The following DAGLA variants were observed in gnomAD, a reference collection of about 807,000 sequenced individuals.
DAGLA encodes diacylglycerol lipase alpha.
In DAGLA, 22 loss-of-function variants were observed where a neutral mutation model predicts 102.6. The ratio of observed to expected loss-of-function variants is 0.21; its 90% CI spans 0.15 to 0.31. The LOEUF (loss-of-function observed/expected upper bound fraction) is 0.31. Among genes scored for constraint, DAGLA ranks in the 10% least tolerant of loss-of-function variants. DAGLA has a pLI of 1.00. For synonymous variants in DAGLA, 578 were observed against 628.9 expected, an observed-to-expected ratio of 0.92 and a Z score of 1.21; for missense variants, 927 against 1,446.6, an observed-to-expected ratio of 0.64 and a Z score of 5.83.
At position 61,744,062 on chromosome 11, in the gene DAGLA, G is replaced by A. The variant is rs141365830; in HGVS notation, c.2702G>A (p.Arg901His). The change falls in exon 20 of 20, where the codon CGC becomes CAC. Residue 901 changes from arginine (R) to histidine (H), a missense_variant. Arg to His is a conservative substitution (Grantham distance 29). Transcript: ENST00000257215. The part of the protein sequence containing the change: ...SRGELALHNG[R>H]LGDSPSPQVL... ...GGGGAGCTGGCGCTGCACAATGGGC[G>A]CCTGGGGGACTCGCCCAGTCCTCAG... The A allele has an allele frequency of 1.8e-4, 295 of 1,612,698 alleles. No individual in the cohort carries two copies. Among genetic ancestry groups the A allele is most frequent in the Non-Finnish European group, 2.4e-4 (279 of 1,179,968 alleles).
chr11:61,687,622 C>T (rs2064996082), intron 1 of DAGLA, among the ~76,000 whole-genome samples: 1 of 152,156 alleles, frequency 6.6e-6, no homozygotes, highest in Non-Finnish European at 1.5e-5. Context: ...CATGAGCCAC[C>T]GCGCCTGGCC....
intron 12 of DAGLA, 95 bp downstream of exon 12, chr11:61,735,911 T>G: frequency 8.5e-7 from 1 of 1,170,742 alleles, no homozygotes. Context: ...CCCTGCTCGC[T>G]GGGCTCACTG....
intron 18 of DAGLA, among the ~76,000 whole-genome samples, 171 bp downstream of exon 18, chr11:61,740,763 C>T (rs1438382027): frequency 6.6e-6 from 1 of 152,222 alleles, no homozygotes; most frequent in Admixed American, 6.5e-5. Context: ...CCTCACACCC[C>T]TGGCTCTGTC....
intron 1 of DAGLA, among the ~76,000 whole-genome samples, chr11:61,691,867 A>G (rs1306489158): frequency 2.0e-5 from 3 of 152,214 alleles, no homozygotes; most frequent in Non-Finnish European, 4.4e-5. Context: ...TTCCACCTGT[A>G]AAATCAGGGA....
intron 13 of DAGLA, 132 bp from the exon 14 acceptor site, chr11:61,737,050 A>G (rs932841160): frequency 8.0e-7 from 1 of 1,244,622 alleles, no homozygotes; most frequent in Non-Finnish European, 1.1e-6. Context: ...TCTGTGCCCT[A>G]GCATTCACAC....
chr11:61,743,362 CAAAAAAAAA>C (rs374336921), intron 19 of DAGLA, among the ~76,000 whole-genome samples, 161 bp from the exon 20 acceptor site: 1 of 51,964 alleles, frequency 1.9e-5, no homozygotes, highest in South Asian at 5.7e-4. Flanking sequence ...GACTCTGTCT[CAAAAAAAAA>C]AAAAAAAAAA....
intron 9 of DAGLA, among the ~76,000 whole-genome samples, chr11:61,733,299 G>A (rs1591049611): frequency 6.6e-6 from 1 of 152,176 alleles, no homozygotes; most frequent in Non-Finnish European, 1.5e-5. Context: ...AACAGCTGCC[G>A]AGCACAGGAG....
intron 1 of DAGLA, among the ~76,000 whole-genome samples, chr11:61,709,389 A>G (rs1430814452): frequency 1.3e-5 from 2 of 152,114 alleles, no homozygotes; most frequent in Non-Finnish European, 2.9e-5. Flanking sequence ...GATTACAGGC[A>G]TGCACCACCA....
At position 61,744,142 on chromosome 11, in the gene DAGLA, A is replaced by C. The variant is rs1483297971; in HGVS notation, c.2782A>C (p.Ser928Arg). ...DSLFNLDSKS[S>R]SFQDLYCMVV... ...CCTCTTCAACCTGGACAGCAAGAGCAGCTCCTTCCAAGACCTCTACTGCAT... is the reference window on the plus strand; with the variant it reads ...CCTCTTCAACCTGGACAGCAAGAGCCGCTCCTTCCAAGACCTCTACTGCAT... The change falls in exon 20 of 20, where the codon AGC becomes CGC. Residue 928 changes from serine to arginine, a missense_variant. Physicochemically the swap from Ser to Arg is moderately radical, Grantham distance 110 (BLOSUM62 -1). Around this residue, in one of 4 missense-constraint regions of DAGLA, gnomAD observed 434 missense variants for 503.3 expected, o/e 0.86. Coordinates refer to ENST00000257215, the MANE Select transcript of DAGLA (RefSeq NM_006133.3). The C allele has an allele frequency of 3.1e-6, 5 of 1,612,910 alleles. No homozygotes were observed. Among genetic ancestry groups the C allele is most frequent in the Non-Finnish European group, 4.2e-6 (5 of 1,179,972 alleles).
At chr11:61,725,693 C>T (rs559437125) in intron 5 of DAGLA, among the ~76,000 whole-genome samples, 1 of 152,272 alleles carries the variant, frequency 6.6e-6, no homozygotes, top group South Asian at 2.1e-4. Flanking sequence ...GTTCAGTCTT[C>T]CAAAAGCCAA....
intron 1 of DAGLA, among the ~76,000 whole-genome samples, chr11:61,685,291 A>T (rs1313168599): frequency 6.6e-6 from 1 of 152,148 alleles, no homozygotes; most frequent in Non-Finnish European, 1.5e-5. Context: ...TGATGAAAAC[A>T]CGCACTGAAA....
intron 17 of DAGLA, 146 bp downstream of exon 17, chr11:61,739,807 CCCCAG>C: frequency 1.2e-6 from 1 of 807,538 alleles, no homozygotes; most frequent in East Asian, 2.7e-5. Context: ...GGAGGGGTTT[CCCCAG>C]CATCGGGCTC....
intron 1 of DAGLA, among the ~76,000 whole-genome samples, chr11:61,696,076 C>T (rs911809787): frequency 6.6e-6 from 1 of 152,222 alleles, no homozygotes; most frequent in African/African-American, 2.4e-5. Context: ...CTGTCCCCAC[C>T]ACCAGGCTTG....
chr11:61,722,599 G>A (rs1591042609), intron 3 of DAGLA, among the ~76,000 whole-genome samples: 1 of 152,106 alleles, frequency 6.6e-6, no homozygotes, highest in Non-Finnish European at 1.5e-5. Context: ...ATGCCCCGGG[G>A]ACTTGAGAGC....
At chr11:61,690,428 C>G (rs889332812) in intron 1 of DAGLA, among the ~76,000 whole-genome samples, 1 of 152,198 alleles carries the variant, frequency 6.6e-6, no homozygotes, top group Non-Finnish European at 1.5e-5. Context: ...GACACTACCA[C>G]TCTACCAGCA....
At chr11:61,694,781 C>A (rs920089684) in intron 1 of DAGLA, among the ~76,000 whole-genome samples, 1 of 152,066 alleles carries the variant, frequency 6.6e-6, no homozygotes, top group African/African-American at 2.4e-5. Context: ...GGGATTCATG[C>A]GGTCACATGT....
chr11:61,731,463 C>G (rs1182719909), intron 9 of DAGLA, 22 bp downstream of exon 9: 2 of 1,611,488 alleles, frequency 1.2e-6, no homozygotes, highest in Non-Finnish European at 1.7e-6. Context: ...TGTCCCATCC[C>G]CCAGCGATTG....
rs367930952 is a variant in DAGLA, at chr11:61,720,267, G to A, written c.95+17G>A. 5 of 1,608,406 alleles carry A rather than the reference G, an allele frequency of 3.1e-6. No homozygotes were observed. Among genetic ancestry groups the A allele is most frequent in the Non-Finnish European group, 4.3e-6 (5 of 1,175,598 alleles). ...TACCACCTGGTGAGTCCCCAGGCCC[G>A]GGGCCACAGGCCTGGGTTTGGAGAG... On this transcript the variant is annotated intron_variant, in intron 2 of 19. Coordinates refer to ENST00000257215, the MANE Select transcript of DAGLA (RefSeq NM_006133.3).
chr11:61,730,987 C>T (rs2135594084), intron 8 of DAGLA, among the ~76,000 whole-genome samples: 1 of 152,362 alleles, frequency 6.6e-6, no homozygotes, highest in South Asian at 2.1e-4. Flanking sequence ...TTACTACTCA[C>T]ATCCCTCAAC....
Sources: gnomAD v4.1 joint callset for allele counts (sites outside exome capture counted in the v4.1 genomes callset) on GRCh38, gnomAD v4.1.1 for gene constraint, gnomAD v4.1.1 regional missense constraint, MANE v1.5 for transcripts, NCBI Gene and HGNC (gene_info 2026-07-23, HGNC 2026-07-21) for gene names.